SLC6A4: variants seen among roughly 807,000 people sequenced by gnomAD.
SLC6A4 encodes the protein sodium-dependent serotonin transporter.
In SLC6A4, 22 loss-of-function variants were observed where a neutral mutation model predicts 73.4. That is an observed-to-expected ratio of 0.30 (90% CI 0.21 to 0.43). The LOEUF (loss-of-function observed/expected upper bound fraction) is 0.43. SLC6A4 is among the 20% of genes least tolerant of loss of function. The pLI is 1.00. For synonymous variants in SLC6A4, 270 were observed against 315.5 expected (o/e 0.86, Z 1.53); for missense variants, 593 against 808.5 (o/e 0.73, Z 3.23).
At chr17:30,225,963 C>T (rs1333109875) in intron 1 of SLC6A4, among the ~76,000 whole-genome samples, 1 of 152,214 alleles carries the variant, frequency 6.6e-6, no homozygotes, top group East Asian at 1.9e-4. Flanking sequence ...GCAACCCGTA[C>T]CTGAACAAGC....
In SLC6A4 at chr17:30,199,392, CA is replaced by C. The variant is rs1302934931; in HGVS notation, c.1819-863del. Reference sequence around the variant, plus strand: ...GTTGCTTAATAAAATCTTTGTTGGCCAAAAGTCTGTATGTATCATAAGCAGA... The same window carrying C: ...GTTGCTTAATAAAATCTTTGTTGGCCAAAGTCTGTATGTATCATAAGCAGA... On this transcript the variant is annotated intron_variant, in intron 14 of 14. Transcript: ENST00000650711. Among the ~76,000 whole-genome samples, 4 of 151,890 alleles carry C rather than the reference CA, an allele frequency of 2.6e-5. No individual in the cohort carries two copies. The East Asian group carries it at 5.8e-4, about 22-fold the overall frequency.
In SLC6A4 at chr17:30,211,101, G is replaced by A. The variant is rs540893675; in HGVS notation, c.1317+211C>T. Among the ~76,000 whole-genome samples the A allele has an allele frequency of 8.5e-5, 13 of 152,318 alleles. No homozygotes were observed. Among genetic ancestry groups the A allele is most frequent in the African/African-American group, 2.6e-4 (11 of 41,590 alleles). On this transcript the variant is annotated intron_variant, in intron 10 of 14. Coordinates refer to ENST00000650711, the MANE Select transcript of SLC6A4 (RefSeq NM_001045.6). The surrounding 1 kb of genome is among the most constrained non-coding windows in gnomAD (Gnocchi z 4.0). The stretch of plus-strand genomic sequence containing the variant: ...TATGTGAGCCTTGGGCCTCATAAGC[G>A]CCTGGCGCTTGACCCACTTTATCCC...
chr17:30,234,077 C>T (rs1286931081), intron 1 of SLC6A4, among the ~76,000 whole-genome samples: 2 of 152,094 alleles, frequency 1.3e-5, no homozygotes, highest in Non-Finnish European at 2.9e-5. Context: ...CTTCAACATG[C>T]CTCTCCAAGT....
At chr17:30,217,024 G>T in intron 6 of SLC6A4, 142 bp downstream of exon 6, 1 of 725,830 alleles carries the variant, frequency 1.4e-6, no homozygotes, top group Non-Finnish European at 2.2e-6. Context: ...TCTAACAAAT[G>T]CGGTGAAGAG....
Position 30,211,359 on chromosome 17 carries a change from C to CAAAG in SLC6A4, c.1266_1269dup (p.Ala424LeufsTer31). 6.2e-7 allele frequency: 1 copy of CAAAG among 1,613,714 alleles called. No homozygotes were observed. Among genetic ancestry groups the CAAAG allele is most frequent in the Admixed American group, 1.7e-5 (1 of 60,000 alleles). ...ATTAACATCAGAAAGAAGATGATGG[C>CAAAG]AAAGAAAGTGGACGCTGGCATGTTG... On this transcript the variant is annotated frameshift_variant, in exon 10 of 15. Coordinates refer to ENST00000650711, the MANE Select transcript of SLC6A4 (RefSeq NM_001045.6). LOFTEE classifies it high-confidence loss of function. This position sits in a 1 kb window ranked among gnomAD's most constrained non-coding sequence, Gnocchi z 4.0.
chr17:30,221,597 C>T lies in SLC6A4; in HGVS notation c.343+19G>A, dbSNP rs13306792. ...CCCACCCTGGGTCACAGCCTCTACTCGCAGCCTGTGATACTGACCCCCTCC... is the reference window on the plus strand; with the variant it reads ...CCCACCCTGGGTCACAGCCTCTACTTGCAGCCTGTGATACTGACCCCCTCC... On this transcript the variant is annotated intron_variant, in intron 3 of 14. Coordinates refer to ENST00000650711, the MANE Select transcript of SLC6A4 (RefSeq NM_001045.6). The T allele has an allele frequency of 1.0e-5, 16 of 1,597,812 alleles. No individual in the cohort carries two copies. In the African/African-American group the frequency reaches 1.6e-4, roughly 16 times the overall value.
Position 30,198,486 on chromosome 17 carries a change from A to G in SLC6A4, c.1863T>C (p.Pro621=), listed in dbSNP as rs201671292. 5.0e-6 allele frequency: 8 copies of G among 1,607,848 alleles called. No homozygotes were observed. Among genetic ancestry groups the G allele is most frequent in the Non-Finnish European group, 6.8e-6 (8 of 1,174,498 alleles). ...CAGCATTCAAGCGGATGTCCCCACA[A>G]GGAATTTCTGTTGGTGTTTCTGGGG... ...SITPETPTEI[P]CGDIRLNAV The change falls in exon 15 of 15, where the codon CCT becomes CCC. Residue 621 remains proline, a synonymous_variant. Coordinates refer to ENST00000650711, the MANE Select transcript of SLC6A4 (RefSeq NM_001045.6).
rs1327126056 is a variant in SLC6A4 at position 30,195,214 on chromosome 17, AT to A, written c.*3241del. The stretch of plus-strand genomic sequence containing the variant: ...CATATTTAAGATTCCATCCTAAAAT[AT>A]TTATCTTTTCTATCGTGGTATTAAA... On this transcript the variant is annotated 3_prime_UTR_variant, in exon 15 of 15. Transcript: ENST00000650711. 1 of 152,184 alleles carries A rather than the reference AT, an allele frequency of 6.6e-6. No homozygotes were observed. Among genetic ancestry groups the A allele is most frequent in the African/African-American group, 2.4e-5 (1 of 41,456 alleles). 9.4% of individuals were successfully genotyped at this position (152,184 alleles called of 1,614,324 possible). A position where few individuals can be genotyped will look rare whatever the true frequency, so the allele number is the denominator to read the frequency against.
chr17:30,219,397 G>A (rs1290140198), intron 3 of SLC6A4, among the ~76,000 whole-genome samples: 2 of 152,162 alleles, frequency 1.3e-5, no homozygotes, highest in Non-Finnish European at 2.9e-5. Flanking sequence ...CACAAAAATT[G>A]TGTTCAAGCT....
Position 30,218,302 on chromosome 17 carries a change from T to C in SLC6A4, c.514A>G (p.Ile172Val), listed in dbSNP as rs1448474106. Reference sequence around the variant, plus strand: ...ATGATGGTGTTGTAGTAGGAAGCAATGTAAAAGGCAATGATGCAGATGGCA... The same window carrying C: ...ATGATGGTGTTGTAGTAGGAAGCAACGTAAAAGGCAATGATGCAGATGGCA... ...GYAICIIAFY[I>V]ASYYNTIMAW... The change falls in exon 5 of 15, where the codon ATT becomes GTT. Residue 172 changes from isoleucine to valine, a missense_variant. Transcript: ENST00000650711. 1.9e-6 allele frequency: 3 copies of C among 1,613,892 alleles called. No homozygotes were observed. The highest frequency in any genetic ancestry group is 2.2e-5 in the East Asian group (1 of 44,858).
intron 14 of SLC6A4, among the ~76,000 whole-genome samples, chr17:30,200,023 C>G (rs1905983324): frequency 2.0e-5 from 3 of 152,146 alleles, no homozygotes; most frequent in Admixed American, 1.3e-4. Context: ...CTCAGCCTCC[C>G]AAGTAGCTGG....
chr17:30,211,237 G>A lies in SLC6A4; in HGVS notation c.1317+75C>T, dbSNP rs1469243073. On this transcript the variant is annotated intron_variant, in intron 10 of 14. Transcript: ENST00000650711. The surrounding 1 kb of genome is among the most constrained non-coding windows in gnomAD (Gnocchi z 4.0). The stretch of plus-strand genomic sequence containing the variant: ...GCCTGGGATGGCCAGGGATGGGAGG[G>A]AATTGAGTCCAGCTGAGTCCTCCTC... The A allele has an allele frequency of 3.1e-6, 3 of 980,116 alleles. No individual in the cohort carries two copies. The East Asian group carries it at 7.3e-5, about 24-fold the overall frequency. The allele number at this position is 980,116 out of a possible 1,614,324, so 60.7% of individuals were successfully genotyped here.
intron 11 of SLC6A4, 120 bp from the exon 12 acceptor site, chr17:30,209,362 A>C: frequency 1.6e-6 from 1 of 632,106 alleles, no homozygotes; most frequent in Non-Finnish European, 2.8e-6. Context: ...CTGGGACCGA[A>C]CGTGAGTACC....
rs754207879 is a variant in SLC6A4, at chr17:30,217,132, G to A, written c.837+34C>T. On this transcript the variant is annotated intron_variant, in intron 6 of 14. Transcript: ENST00000650711. Reference sequence around the variant, plus strand: ...AGTTTGAGAGCCTGTGGGCCCCTGGGCAGGCCTGGGTCAGCAGCCAGAGCC... The same window carrying A: ...AGTTTGAGAGCCTGTGGGCCCCTGGACAGGCCTGGGTCAGCAGCCAGAGCC... The A allele has an allele frequency of 3.1e-6, 5 of 1,602,006 alleles. No individual in the cohort carries two copies. The Admixed American group carries it at 8.6e-5, about 27-fold the overall frequency.
rs189850609 is a variant in SLC6A4 at position 30,224,778 on chromosome 17, C to G, written c.-220-1863G>C. On this transcript the variant is annotated intron_variant, in intron 1 of 14. Coordinates refer to ENST00000650711, the MANE Select transcript of SLC6A4 (RefSeq NM_001045.6). ...TGTTCTGGATTTTGTTTACTTTCTTCCTTGAGGCGTCCTGCAGAGAGGGTA... is the reference window on the plus strand; with the variant it reads ...TGTTCTGGATTTTGTTTACTTTCTTGCTTGAGGCGTCCTGCAGAGAGGGTA... 4.3e-3 allele frequency among the ~76,000 whole-genome samples: 651 copies of G among 152,238 alleles called. 2 individuals carry two copies. The highest frequency in any genetic ancestry group is 7.3e-3 in the Admixed American group (111 of 15,296).
In SLC6A4 at chr17:30,217,303, G is replaced by A. The variant is rs751233939; in HGVS notation, c.700C>T (p.Arg234Cys). The A allele has an allele frequency of 1.3e-5, 21 of 1,613,212 alleles. No homozygotes were observed. The highest frequency in any genetic ancestry group is 1.7e-4 in the Middle Eastern group (1 of 6,052). The change falls in exon 6 of 15, where the codon CGC (arginine) becomes TGC (cysteine). Residue 234 changes from arginine (R) to cysteine (C), a missense_variant and splice_region_variant. By Grantham distance (180) the Arg-to-Cys change is radical. Transcript: ENST00000650711. ...STSPAEEFYT[R>C]HVLQIHRSKG... ...GACCGGTGGATCTGCAGGACGTGGCGCCTGGGGTGAAGGAGAAAGAAAGGC... is the reference window on the plus strand; with the variant it reads ...GACCGGTGGATCTGCAGGACGTGGCACCTGGGGTGAAGGAGAAAGAAAGGC...
chr17:30,224,440 A>T (rs533372801), intron 1 of SLC6A4, among the ~76,000 whole-genome samples: 1 of 150,200 alleles, frequency 6.7e-6, no homozygotes, highest in East Asian at 2.0e-4. Context: ...ATGGTCTTGA[A>T]CTCCTGACCT....
intron 8 of SLC6A4, among the ~76,000 whole-genome samples, chr17:30,213,897 C>T (rs1321709846): frequency 6.6e-6 from 1 of 151,928 alleles, no homozygotes; most frequent in African/African-American, 2.4e-5. Context: ...TAGGCATGCA[C>T]CACCACACTC....
intron 14 of SLC6A4, among the ~76,000 whole-genome samples, chr17:30,200,308 TTGCCAGGCCC>T (rs1057209589): frequency 3.3e-5 from 5 of 152,228 alleles, no homozygotes; most frequent in Non-Finnish European, 4.4e-5. Context: ...TGCTGGAAAT[TTGCCAGGCCC>T]TGCCTGGCCT....
Sources: gnomAD v4.1 joint callset for allele counts (sites outside exome capture counted in the v4.1 genomes callset) on GRCh38, gnomAD v4.1.1 for gene constraint, Gnocchi (gnomAD v3.1) non-coding constraint, MANE v1.5 for transcripts, NCBI Gene and HGNC (gene_info 2026-07-23, HGNC 2026-07-21) for gene names.